The following KCTD13 variants were observed in gnomAD, a reference collection of about 807,000 sequenced individuals.
KCTD13 encodes the protein potassium channel tetramerization domain containing 13.
KCTD13 carries 15 observed loss-of-function variants against 32.3 expected under a neutral mutation model. That is an observed-to-expected ratio of 0.46 (90% confidence interval 0.31 to 0.71). The LOEUF is 0.71. Ranked by LOEUF, KCTD13 falls within the 30% of genes least tolerant of loss-of-function variation. The pLI is 0.05. For missense variants in KCTD13, 337 were observed against 452.6 expected (o/e 0.74, Z 2.32); for synonymous variants, 189 against 200.1 (o/e 0.94, Z 0.47).
Position 29,926,213 on chromosome 16 carries a change from G to C in KCTD13, c.-180C>G, listed in dbSNP as rs1275743216. On this transcript the variant is annotated 5_prime_UTR_variant, in exon 1 of 6. Coordinates refer to ENST00000568000, the MANE Select transcript of KCTD13 (RefSeq NM_178863.5). ...ATCTCGCTCGCACCACCCGGAAGCC[G>C]GCGCCGGGCAGCTGCGCAGGCGCGG... 1 of 668,498 alleles carries C rather than the reference G, an allele frequency of 1.5e-6. No homozygotes were observed. Among genetic ancestry groups the C allele is most frequent in the Non-Finnish European group, 2.2e-6 (1 of 449,440 alleles). 41.4% of individuals were successfully genotyped at this position (668,498 alleles called of 1,614,324 possible). A position where few individuals can be genotyped will look rare whatever the true frequency, so the allele number is the denominator to read the frequency against.
chr16:29,919,446 T>C (rs949869639), intron 2 of KCTD13: 1 of 152,232 alleles, frequency 6.6e-6, no homozygotes, highest in African/African-American at 2.4e-5. Flanking sequence ...ATTCGTGCCA[T>C]AGAATACCTA....
At chr16:29,921,388 G>A (rs2068909640) in intron 2 of KCTD13, 1 of 152,200 alleles carries the variant, frequency 6.6e-6, no homozygotes, top group African/African-American at 2.4e-5. Context: ...GTGAGGTGCA[G>A]AGGGAACCTG....
At chr16:29,917,372 T>A (rs2068828282) in intron 2 of KCTD13, among the ~76,000 whole-genome samples, 1 of 152,054 alleles carries the variant, frequency 6.6e-6, no homozygotes, top group African/African-American at 2.4e-5. Context: ...ATAGGTCAGG[T>A]ATAGCGGATC....
At chr16:29,916,859 C>T (rs1015711190) in intron 2 of KCTD13, among the ~76,000 whole-genome samples, 10 of 152,144 alleles carry the variant, frequency 6.6e-5, no homozygotes, top group Non-Finnish European at 1.5e-4. Context: ...TTGCCTGGGC[C>T]TAGAAGCTCT....
chr16:29,908,846 C>T (rs1436957451), intron 5 of KCTD13, among the ~76,000 whole-genome samples: 1 of 151,850 alleles, frequency 6.6e-6, no homozygotes, highest in African/African-American at 2.4e-5. Flanking sequence ...GGGTGTACCA[C>T]TATGTCCAGT....
intron 4 of KCTD13, 45 bp from the exon 5 acceptor site, chr16:29,911,218 T>G (rs779648668): frequency 4.1e-6 from 6 of 1,476,436 alleles, no homozygotes; most frequent in Non-Finnish European, 5.6e-6. Flanking sequence ...TTGGCACCCC[T>G]CCCTCTGTAC....
At chr16:29,921,196 G>A (rs938092758) in intron 2 of KCTD13, 1 of 152,120 alleles carries the variant, frequency 6.6e-6, no homozygotes, top group African/African-American at 2.4e-5. Flanking sequence ...CACATATGCA[G>A]AACAATGCTT....
intron 4 of KCTD13, 173 bp from the exon 5 acceptor site, chr16:29,911,346 C>A: frequency 1.6e-6 from 1 of 614,584 alleles, no homozygotes; most frequent in Non-Finnish European, 2.9e-6. Context: ...AGAAGGGAAG[C>A]CACATGCGCT....
At chr16:29,924,186 AAAG>A in intron 1 of KCTD13, among the ~76,000 whole-genome samples, 6 of 149,472 alleles carry the variant, frequency 4.0e-5, no homozygotes, top group African/African-American at 1.3e-4. Context: ...AAAAAAAAGA[AAAG>A]AAAAGAAAAG....
intron 5 of KCTD13, among the ~76,000 whole-genome samples, chr16:29,909,881 C>T (rs1433721749): frequency 6.6e-6 from 1 of 151,354 alleles, no homozygotes; most frequent in Non-Finnish European, 1.5e-5. Context: ...ACCAGCCTGA[C>T]CAACATGGCG....
chr16:29,922,018 T>C (rs2068923359), intron 2 of KCTD13: 1 of 152,114 alleles, frequency 6.6e-6, no homozygotes, highest in Non-Finnish European at 1.5e-5. Context: ...CAAGATCTAG[T>C]ACAATGAATG....
In KCTD13 at chr16:29,907,011, C is replaced by T. The variant is rs762459459; in HGVS notation, c.851G>A (p.Gly284Glu). 8 of 1,614,070 alleles carry T rather than the reference C, an allele frequency of 5.0e-6. No individual in the cohort carries two copies. Among genetic ancestry groups the T allele is most frequent in the Admixed American group, 3.3e-5 (2 of 59,998 alleles). Residue 284 changes from glycine (G) to glutamate (E), a missense_variant, in exon 6 of 6, where the codon GGG (glycine) becomes GAG (glutamate). Physicochemically the swap from Gly to Glu is moderately conservative, Grantham distance 98. Transcript: ENST00000568000. ...AGCCCCACCAGCTCCAGCTGCTCCC[C>T]CTGTGGCCTCCAGGAGGGCTGGGTC... ...GPDPALLEATGGAAGAGGAGR... is the reference protein window; with the variant it reads ...GPDPALLEATEGAAGAGGAGR...
At chr16:29,911,619 T>TA (rs2068710976) in intron 4 of KCTD13, 196 bp downstream of exon 4, 2 of 613,708 alleles carry the variant, frequency 3.3e-6, no homozygotes, top group African/African-American at 3.7e-5. Flanking sequence ...CAAACCCATT[T>TA]ACTGATGACT....
chr16:29,918,612 AG>A (rs2068851138), intron 2 of KCTD13, among the ~76,000 whole-genome samples: 1 of 151,470 alleles, frequency 6.6e-6, no homozygotes, highest in African/African-American at 2.4e-5. Flanking sequence ...CTGGGACTAC[AG>A]GCACCCACCA....
chr16:29,910,579 G>A (rs188676019), intron 5 of KCTD13, among the ~76,000 whole-genome samples: 3 of 152,052 alleles, frequency 2.0e-5, no homozygotes, highest in Admixed American at 6.5e-5. Context: ...GGCTGGTCTC[G>A]AACTCCTGGG....
At position 29,906,367 on chromosome 16, in the gene KCTD13, T is replaced by G. The variant is rs552101453; in HGVS notation, c.*505A>C. On this transcript the variant is annotated 3_prime_UTR_variant, in exon 6 of 6. Transcript: ENST00000568000. ...CTCAACTTAACTTTATTTCAATAAT[T>G]TAATAGAAAATTAAAATAATAAATA... The G allele has an allele frequency of 4.9e-6, 1 of 205,056 alleles. No homozygotes were observed. The highest frequency in any genetic ancestry group is 2.4e-5 in the African/African-American group (1 of 42,380). The allele number at this position is 205,056 out of a possible 1,614,324, so 12.7% of individuals were successfully genotyped here.
chr16:29,916,100 A>G (rs536288441), intron 2 of KCTD13, among the ~76,000 whole-genome samples: 1 of 152,218 alleles, frequency 6.6e-6, no homozygotes. Flanking sequence ...TACCCTCCAC[A>G]CTAATGCAGG....
intron 2 of KCTD13, chr16:29,913,860 C>T (rs886651329): frequency 6.6e-6 from 1 of 152,160 alleles, no homozygotes; most frequent in Non-Finnish European, 1.5e-5. Context: ...GATGGAGTCT[C>T]ACTGTGTCGC....
chr16:29,909,173 C>A (rs35691158), intron 5 of KCTD13, among the ~76,000 whole-genome samples: 2 of 152,166 alleles, frequency 1.3e-5, no homozygotes, highest in Non-Finnish European at 2.9e-5. Flanking sequence ...CACCTCGCTG[C>A]TGATGCAAAC....
Sources: gnomAD v4.1 joint callset for allele counts (sites outside exome capture counted in the v4.1 genomes callset) on GRCh38, gnomAD v4.1.1 for gene constraint, MANE v1.5 for transcripts, NCBI Gene and HGNC (gene_info 2026-07-23, HGNC 2026-07-21) for gene names.